The following FN1 variants were observed in gnomAD, a reference collection of about 807,000 sequenced individuals.
FN1 encodes fibronectin.
In FN1, 106 loss-of-function variants were observed where a neutral mutation model predicts 297.3. The observed-to-expected ratio is 0.36, with a 90% CI of 0.30 to 0.42. The LOEUF is 0.42. FN1 is among the 10% of genes least tolerant of loss of function. The pLI is 1.00. For synonymous variants in FN1, 1,149 were observed against 1,152.6 expected, an observed-to-expected ratio of 1.00 and a Z score of 0.06; for missense variants, 2,690 against 3,124.9, an observed-to-expected ratio of 0.86 and a Z score of 3.32.
At position 215,372,209 on chromosome 2, in the gene FN1, C is replaced by G; in HGVS notation, c.6414G>C (p.Gly2138=). 1 of 1,614,182 alleles carries G rather than the reference C, an allele frequency of 6.2e-7. No individual in the cohort carries two copies. The highest frequency in any genetic ancestry group is 1.7e-5 in the Admixed American group (1 of 60,024). Residue 2138 remains glycine (G), a synonymous_variant, in exon 40 of 46, where the codon GGG becomes GGC. Transcript: ENST00000354785. ...CATGTTCCTCAAAGATCATTTGTTG[C>G]CCAACACTGGGTTGCTGACCAGAAG... ...PGTSGQQPSV[G]QQMIFEEHGF...
At position 215,386,846 on chromosome 2, in the gene FN1, G is replaced by A. The variant is rs764031352; in HGVS notation, c.4455C>T (p.Pro1485=). The A allele has an allele frequency of 2.6e-5, 42 of 1,613,868 alleles. No homozygotes were observed. The highest frequency in any genetic ancestry group is 1.0e-4 in the Admixed American group (6 of 59,976). ...CTCGAGGTCTCCCACTGAAGTGCTC[G>A]GGATGATGGCGGATCCTGTAGCCAG... is the stretch of plus-strand genomic sequence containing the variant. ...TITGYRIRHH[P]EHFSGRPRED... is the part of the protein sequence containing the mutation. The change falls in exon 28 of 46, where the codon CCC becomes CCT. Residue 1485 remains proline (P), a synonymous_variant. Coordinates refer to ENST00000354785, the MANE Select transcript of FN1 (RefSeq NM_212482.4).
At position 215,425,191 on chromosome 2, in the gene FN1, A is replaced by G. The variant is rs144381732; in HGVS notation, c.939T>C (p.Gly313=). The G allele has an allele frequency of 1.4e-5, 22 of 1,613,876 alleles. No individual in the cohort carries two copies. In the African/African-American group the frequency reaches 2.4e-4, roughly 18 times the overall value. ...PPYGHCVTDS[G]VVYSVGMQWL... The stretch of plus-strand genomic sequence containing the variant: ...ACTGCATCCCCACAGAGTAGACCAC[A>G]CCACTGTCTGTGACACAGTGGCCAT... The change falls in exon 7 of 46, where the codon GGT becomes GGC. Residue 313 remains glycine, a synonymous_variant. Coordinates refer to ENST00000354785, the MANE Select transcript of FN1 (RefSeq NM_212482.4).
intron 12 of FN1, among the ~76,000 whole-genome samples, chr2:215,418,520 G>A (rs940954113): frequency 6.6e-6 from 1 of 152,176 alleles, no homozygotes; most frequent in Non-Finnish European, 1.5e-5. Flanking sequence ...CACCTCAGCA[G>A]TTGCTCAAAT....
At chr2:215,384,770 C>T (rs954436432) in intron 29 of FN1, 90 bp downstream of exon 29, 1 of 931,070 alleles carries the variant, frequency 1.1e-6, no homozygotes, top group Non-Finnish European at 1.8e-6. Flanking sequence ...GCCAAAGTTT[C>T]TTTAATTCTT....
chr2:215,364,906 G>A lies in FN1; in HGVS notation c.7224C>T (p.Cys2408=). ...QWQKEYLGAI[C]SCTCFGGQRG... ...GCTGGCCTCCAAAGCATGTGCAGGA[G>A]CAAATGGCACCGAGATATTCCTTCT... The change falls in exon 44 of 46, where the codon TGC becomes TGT. Residue 2408 remains cysteine, a synonymous_variant. Coordinates refer to ENST00000354785, the MANE Select transcript of FN1 (RefSeq NM_212482.4). 7.7e-6 allele frequency: 12 copies of A among 1,567,238 alleles called. No homozygotes were observed. The highest frequency in any genetic ancestry group is 1.0e-5 in the Non-Finnish European group (12 of 1,155,064).
chr2:215,407,894 G>A (rs1349448825), intron 17 of FN1, among the ~76,000 whole-genome samples: 7 of 151,428 alleles, frequency 4.6e-5, no homozygotes, highest in Admixed American at 6.6e-5. Flanking sequence ...TGTGTATAAG[G>A]GAGTTGGTGA....
chr2:215,370,283 T>C lies in FN1; in HGVS notation c.6853+11A>G. 3 of 1,613,774 alleles carry C rather than the reference T, an allele frequency of 1.9e-6. No individual in the cohort carries two copies. The highest frequency in any genetic ancestry group is 2.5e-6 in the Non-Finnish European group (3 of 1,179,828). Reference sequence around the variant, plus strand: ...GGGGAGCCTGTGTCTAAATAGTACGTGTTTACATACCAGAGTTGCCCACGG... The same window carrying C: ...GGGGAGCCTGTGTCTAAATAGTACGCGTTTACATACCAGAGTTGCCCACGG... On this transcript the variant is annotated intron_variant, in intron 41 of 45. Coordinates refer to ENST00000354785, the MANE Select transcript of FN1 (RefSeq NM_212482.4).
At chr2:215,370,218 G>A (rs910113386) in intron 41 of FN1, 76 bp downstream of exon 41, 2 of 1,444,974 alleles carry the variant, frequency 1.4e-6, no homozygotes, top group South Asian at 2.3e-5. Context: ...GGCAACAAAG[G>A]TACAGTCAAC....
Position 215,370,421 on chromosome 2 carries a change from A to G in FN1, c.6726T>C (p.Pro2242=). 6.2e-7 allele frequency: 1 copy of G among 1,613,904 alleles called. No homozygotes were observed. Among genetic ancestry groups the G allele is most frequent in the East Asian group, 2.2e-5 (1 of 44,872 alleles). The part of the protein sequence containing the change: ...TDEEPLQFRV[P]GTSTSATLTG... ...TCAGAGTGGCACTGGTAGAAGTTCC[A>G]GGAACCCTGAACTGCAATTATCGGT... Residue 2242 remains proline, a synonymous_variant, in exon 41 of 46, where the codon CCT becomes CCC. Coordinates refer to ENST00000354785, the MANE Select transcript of FN1 (RefSeq NM_212482.4).
intron 34 of FN1, among the ~76,000 whole-genome samples, chr2:215,378,791 T>C (rs1486009606): frequency 6.6e-6 from 1 of 152,152 alleles, no homozygotes; most frequent in Non-Finnish European, 1.5e-5. Context: ...AAAATATTCT[T>C]TACCAAGGTA....
chr2:215,433,547 T>A (rs1205549512), intron 2 of FN1, 86 bp from the exon 3 acceptor site: 39 of 1,323,510 alleles, frequency 2.9e-5, no homozygotes, highest in Non-Finnish European at 3.9e-5. Flanking sequence ...AAAACCCACT[T>A]CTCTATTCCA....
intron 15 of FN1, 84 bp from the exon 16 acceptor site, chr2:215,408,510 G>C (rs2062103606): frequency 7.5e-7 from 1 of 1,338,190 alleles, no homozygotes; most frequent in African/African-American, 1.4e-5. Context: ...GATATTTTAA[G>C]AATTATATAT....
intron 12 of FN1, among the ~76,000 whole-genome samples, 165 bp downstream of exon 12, chr2:215,419,076 GA>G (rs2063831991): frequency 6.6e-6 from 1 of 152,180 alleles, no homozygotes; most frequent in Non-Finnish European, 1.5e-5. Context: ...GAGGAAGAGA[GA>G]AAAATTATTT....
At chr2:215,380,590 G>T in intron 33 of FN1, 1 of 610,750 alleles carries the variant, frequency 1.6e-6, no homozygotes, top group Non-Finnish European at 2.9e-6. Flanking sequence ...ATGGTCTTGT[G>T]TATAAGCCAG....
intron 6 of FN1, among the ~76,000 whole-genome samples, chr2:215,427,388 T>C (rs937772619): frequency 6.6e-6 from 1 of 152,206 alleles, no homozygotes; most frequent in African/African-American, 2.4e-5. Context: ...AGTAAAAAGT[T>C]AATCAAAACA....
In FN1 at chr2:215,361,497, C is replaced by T; in HGVS notation, c.*58G>A. The T allele has an allele frequency of 2.5e-6, 3 of 1,210,550 alleles. No homozygotes were observed. Among genetic ancestry groups the T allele is most frequent in the South Asian group, 2.4e-5 (2 of 83,104 alleles). 75.0% of individuals were successfully genotyped at this position (1,210,550 alleles called of 1,614,324 possible). A position where few individuals can be genotyped will look rare whatever the true frequency, so the allele number is the denominator to read the frequency against. ...TAAGCTGGGTCTGCTAACATCACTC[C>T]AGTTTAGATGGATCTTGGCAGAGAG... On this transcript the variant is annotated 3_prime_UTR_variant, in exon 46 of 46. Coordinates refer to ENST00000354785, the MANE Select transcript of FN1 (RefSeq NM_212482.4).
At chr2:215,374,355 T>C (rs1049924298) in intron 38 of FN1, among the ~76,000 whole-genome samples, 6 of 152,242 alleles carry the variant, frequency 3.9e-5, no homozygotes, top group South Asian at 2.1e-4. Context: ...CAGACTGATA[T>C]GGTTTGGCTC....
rs2060981218 is a variant in FN1, at chr2:215,401,189, GAAAGAAAGA to G, written c.3254-1847_3254-1839del. On this transcript the variant is annotated intron_variant, in intron 20 of 45. Transcript: ENST00000354785. ...AAAGAAAGAGAGAGAGAGTGAGAGA[GAAAGAAAGA>G]AAAGAAAGAAAGAAAGAAAGAAAGA... 2.7e-5 allele frequency among the ~76,000 whole-genome samples: 3 copies of G among 109,684 alleles called. No homozygotes were observed. In the East Asian group the frequency reaches 6.5e-4, roughly 24 times the overall value. 72.0% of individuals were successfully genotyped at this position (109,684 alleles called of 152,430 possible).
At chr2:215,368,944 T>C (rs1304568291) in intron 41 of FN1, among the ~76,000 whole-genome samples, 1 of 152,162 alleles carries the variant, frequency 6.6e-6, no homozygotes, top group African/African-American at 2.4e-5. Context: ...CTTTTTACAG[T>C]GCAAAACTCA....
Sources: gnomAD v4.1 joint callset for allele counts (sites outside exome capture counted in the v4.1 genomes callset) on GRCh38, gnomAD v4.1.1 for gene constraint, MANE v1.5 for transcripts, NCBI Gene and HGNC (gene_info 2026-07-23, HGNC 2026-07-21) for gene names.